GALNT1: variants seen among roughly 807,000 people sequenced by gnomAD.
The protein encoded by GALNT1 is GalNAc transferase 1.
Under a neutral mutation model 65.7 loss-of-function variants are expected in GALNT1, and 17 were observed. The ratio of observed to expected loss-of-function variants is 0.26; its 90% CI spans 0.18 to 0.39. The LOEUF (loss-of-function observed/expected upper bound fraction) is 0.39, where lower values mean the gene tolerates loss of function less well. GALNT1 is among the 10% of genes least tolerant of loss of function. The pLI is 1.00. For synonymous variants in GALNT1, 210 were observed against 219.7 expected, an observed-to-expected ratio of 0.96 and a Z score of 0.39; for missense variants, 460 against 672.8, an observed-to-expected ratio of 0.68 and a Z score of 3.50.
intron 1 of GALNT1, among the ~76,000 whole-genome samples, chr18:35,589,794 A>G (rs959539774): frequency 6.6e-6 from 1 of 152,216 alleles, no homozygotes; most frequent in African/African-American, 2.4e-5. Context: ...TCTTCTTTTC[A>G]TGGGCTGATG....
intron 10 of GALNT1, 149 bp downstream of exon 10, chr18:35,703,144 C>A: frequency 1.8e-6 from 1 of 553,616 alleles, no homozygotes; most frequent in South Asian, 2.9e-5. Context: ...GCTTTCAATC[C>A]AGTGATTTTT....
At chr18:35,709,436 T>TCTCTC (rs2048319527) in intron 11 of GALNT1, among the ~76,000 whole-genome samples, 188 bp from the exon 12 acceptor site, 1 of 148,404 alleles carries the variant, frequency 6.7e-6, no homozygotes. Context: ...ATCTACCTAC[T>TCTCTC]TCTCTCTCTC....
chr18:35,588,041 G>T (rs890578861), intron 1 of GALNT1, among the ~76,000 whole-genome samples: 1 of 152,094 alleles, frequency 6.6e-6, no homozygotes, highest in Non-Finnish European at 1.5e-5. Context: ...ATTTATTGAG[G>T]TTTGTTTTAC....
intron 1 of GALNT1, among the ~76,000 whole-genome samples, chr18:35,630,780 A>G (rs964970891): frequency 1.7e-4 from 26 of 152,296 alleles, no homozygotes; most frequent in African/African-American, 3.1e-4. Flanking sequence ...TTTTTTGAAA[A>G]GATCAACAAA....
chr18:35,694,837 TAAAA>T (rs1051720476), intron 9 of GALNT1, among the ~76,000 whole-genome samples: 1 of 152,188 alleles, frequency 6.6e-6, no homozygotes, highest in Non-Finnish European at 1.5e-5. Flanking sequence ...TTTTCAGTCT[TAAAA>T]AGGAAGGAAA....
At chr18:35,647,451 A>ATTGT (rs10652007) in intron 1 of GALNT1, among the ~76,000 whole-genome samples, 34,194 of 152,080 alleles carry the variant, frequency 0.22, 4,322 homozygotes, top group African/African-American at 0.34. Flanking sequence ...GAATTAATAC[A>ATTGT]TTGATTATAG....
rs1359267109 is a variant in GALNT1 at position 35,691,173 on chromosome 18, C to A, written c.1140C>A (p.Phe380Leu). Residue 380 changes from phenylalanine (F) to leucine (L), a missense_variant, in exon 8 of 12, where the codon TTC becomes TTA. Physicochemically the swap from Phe to Leu is conservative, Grantham distance 22. Coordinates refer to ENST00000269195, the MANE Select transcript of GALNT1 (RefSeq NM_020474.4). ...AEVWMDEFKN[F>L]FYIISPGVTK... The stretch of plus-strand genomic sequence containing the variant: ...TGTGGATGGATGAATTCAAGAATTT[C>A]TTCTATATAATTTCTCCAGGTTAGC... 6.2e-7 allele frequency: 1 copy of A among 1,604,596 alleles called. No individual in the cohort carries two copies. The highest frequency in any genetic ancestry group is 1.3e-5 in the African/African-American group (1 of 74,340).
intron 1 of GALNT1, among the ~76,000 whole-genome samples, chr18:35,653,568 G>A (rs1266611044): frequency 6.6e-6 from 1 of 152,164 alleles, no homozygotes; most frequent in Non-Finnish European, 1.5e-5. Flanking sequence ...AATGCACTTG[G>A]TTTATATTTC....
At chr18:35,660,383 A>G (rs1355315164) in intron 2 of GALNT1, among the ~76,000 whole-genome samples, 2 of 152,132 alleles carry the variant, frequency 1.3e-5, no homozygotes, top group East Asian at 1.9e-4. Flanking sequence ...TACCTTTTCT[A>G]AAACATGATA....
At chr18:35,629,684 T>G (rs1281252540) in intron 1 of GALNT1, among the ~76,000 whole-genome samples, 1 of 152,168 alleles carries the variant, frequency 6.6e-6, no homozygotes, top group Non-Finnish European at 1.5e-5. Flanking sequence ...CCAGCTGACA[T>G]CATAATGACA....
chr18:35,703,979 C>G (rs969463771), intron 11 of GALNT1, among the ~76,000 whole-genome samples: 1 of 152,164 alleles, frequency 6.6e-6, no homozygotes, highest in Non-Finnish European at 1.5e-5. Context: ...TAATTAAACA[C>G]TTCAGTGAAA....
At chr18:35,699,101 G>A (rs1238601865) in intron 9 of GALNT1, among the ~76,000 whole-genome samples, 1 of 152,092 alleles carries the variant, frequency 6.6e-6, no homozygotes, top group Non-Finnish European at 1.5e-5. Flanking sequence ...AAGTTGAAGT[G>A]GTCATATTTG....
At chr18:35,607,365 C>T (rs1273380991) in intron 1 of GALNT1, among the ~76,000 whole-genome samples, 1 of 152,040 alleles carries the variant, frequency 6.6e-6, no homozygotes, top group African/African-American at 2.4e-5. Flanking sequence ...GCCTTGTGTT[C>T]TGCCAGAGCC....
intron 1 of GALNT1, among the ~76,000 whole-genome samples, chr18:35,590,520 C>T (rs564908301): frequency 6.6e-6 from 1 of 152,184 alleles, no homozygotes; most frequent in East Asian, 1.9e-4. Context: ...TATGACTTCT[C>T]ATTGAAAAAA....
intron 1 of GALNT1, among the ~76,000 whole-genome samples, chr18:35,648,190 T>C (rs980084488): frequency 6.6e-6 from 1 of 151,844 alleles, no homozygotes; most frequent in African/African-American, 2.4e-5. Context: ...GATATGCAAA[T>C]GGGCCCTGAC....
rs143201036 is a variant in GALNT1 at position 35,685,051 on chromosome 18, T to G, written c.689+1453T>G. 4.6e-3 allele frequency among the ~76,000 whole-genome samples: 708 copies of G among 152,296 alleles called. 3 individuals carry two copies. The highest frequency in any genetic ancestry group is 0.014 in the Middle Eastern group (4 of 294). On this transcript the variant is annotated intron_variant, in intron 5 of 11. Transcript: ENST00000269195. ...GGGGAAACAAATCTCCCCTAAGAATTTGTAAACAATATAGAAAAAGAGGAA... is the reference window on the plus strand; with the variant it reads ...GGGGAAACAAATCTCCCCTAAGAATGTGTAAACAATATAGAAAAAGAGGAA...
chr18:35,690,065 A>G (rs538527433), intron 7 of GALNT1, among the ~76,000 whole-genome samples: 9 of 152,346 alleles, frequency 5.9e-5, no homozygotes, highest in African/African-American at 2.2e-4. Flanking sequence ...CTGAATATTT[A>G]ACAAAATCAG....
At chr18:35,647,656 A>G (rs574350591) in intron 1 of GALNT1, among the ~76,000 whole-genome samples, 1 of 152,246 alleles carries the variant, frequency 6.6e-6, no homozygotes, top group Admixed American at 6.5e-5. Flanking sequence ...GTATGATGTA[A>G]AACTAGTGAT....
At chr18:35,686,941 C>G (rs549990502) in intron 5 of GALNT1, 75 bp from the exon 6 acceptor site, 1 of 1,371,034 alleles carries the variant, frequency 7.3e-7, no homozygotes, top group South Asian at 1.4e-5. Flanking sequence ...AAAACACTTA[C>G]TATACAATTG....
Sources: allele counts gnomAD v4.1 joint callset (sites outside exome capture counted in the v4.1 genomes callset), GRCh38; gene constraint gnomAD v4.1.1; transcripts MANE v1.5; gene names NCBI Gene and HGNC (gene_info 2026-07-23, HGNC 2026-07-21).